The following MAGI2 variants were observed in gnomAD, a reference collection of about 807,000 sequenced individuals.
MAGI2 encodes the protein membrane associated guanylate kinase, WW and PDZ domain containing 2.
MAGI2 carries 35 observed loss-of-function variants against 133.3 expected under a neutral mutation model. The observed-to-expected ratio is 0.26, with a 90% confidence interval of 0.20 to 0.35. The LOEUF (loss-of-function observed/expected upper bound fraction) is 0.35, where lower values mean the gene tolerates loss of function less well. Among genes scored for constraint, MAGI2 ranks in the 10% least tolerant of loss-of-function variants. MAGI2 has a pLI of 1.00. For missense variants in MAGI2, 1,636 were observed against 1,863.4 expected, an observed-to-expected ratio of 0.88 and a Z score of 2.25; for synonymous variants, 729 against 710.6, an observed-to-expected ratio of 1.03 and a Z score of -0.41.
intron 2 of MAGI2, among the ~76,000 whole-genome samples, chr7:78,929,138 A>AGATAATT (rs1423038727): frequency 2.0e-5 from 3 of 152,128 alleles, no homozygotes; most frequent in Non-Finnish European, 2.9e-5. Flanking sequence ...TAATGATGAT[A>AGATAATT]GATAATTGAC....
chr7:78,093,070 A>C (rs1817364037), intron 20 of MAGI2, among the ~76,000 whole-genome samples: 1 of 136,036 alleles, frequency 7.4e-6, no homozygotes, highest in South Asian at 2.5e-4. Context: ...TGGGAGGCAG[A>C]GCTTGCAGTG....
At chr7:78,099,146 A>C (rs1317339178) in intron 20 of MAGI2, among the ~76,000 whole-genome samples, 1 of 152,180 alleles carries the variant, frequency 6.6e-6, no homozygotes, top group Admixed American at 6.5e-5. Flanking sequence ...ATTAAGTATC[A>C]GTTCCTAACT....
Position 78,072,046 on chromosome 7 carries a change from C to T in MAGI2, c.3706+6901G>A, listed in dbSNP as rs111543223. Among the ~76,000 whole-genome samples the T allele has an allele frequency of 1.6e-4, 25 of 152,252 alleles. 1 individual carries two copies. The highest frequency in any genetic ancestry group is 1.0e-3 in the South Asian group (5 of 4,818). The stretch of plus-strand genomic sequence containing the variant: ...GGCAGACCCAGGGTGTGAGGTAACA[C>T]GTCCGGGCTCCCAGAAGTGGCTGAT... On this transcript the variant is annotated intron_variant, in intron 21 of 21. Transcript: ENST00000354212.
intron 2 of MAGI2, among the ~76,000 whole-genome samples, chr7:78,673,017 C>G: frequency 6.6e-6 from 1 of 152,112 alleles, no homozygotes; most frequent in Non-Finnish European, 1.5e-5. Context: ...CACTAAACAT[C>G]TATTGTCAAT....
At chr7:78,220,021 A>C (rs1788652142) in intron 10 of MAGI2, among the ~76,000 whole-genome samples, 1 of 152,166 alleles carries the variant, frequency 6.6e-6, no homozygotes, top group African/African-American at 2.4e-5. Flanking sequence ...TATTTGCTGC[A>C]GAATGGAGTC....
At chr7:78,508,432 C>T (rs2074156835) in intron 4 of MAGI2, among the ~76,000 whole-genome samples, 1 of 152,144 alleles carries the variant, frequency 6.6e-6, no homozygotes, top group African/African-American at 2.4e-5. Context: ...ATTAACTTTG[C>T]TGCATTTTAG....
chr7:78,577,997 A>C (rs2150798411), intron 3 of MAGI2, among the ~76,000 whole-genome samples: 1 of 151,704 alleles, frequency 6.6e-6, no homozygotes, highest in South Asian at 2.1e-4. Flanking sequence ...TTTGGGGTTC[A>C]TTAATATGAA....
intron 1 of MAGI2, among the ~76,000 whole-genome samples, chr7:79,209,315 A>G (rs1362999360): frequency 1.3e-5 from 2 of 151,970 alleles, no homozygotes; most frequent in East Asian, 3.9e-4. Context: ...GCAAAAACAT[A>G]AATATACTAA....
intron 9 of MAGI2, among the ~76,000 whole-genome samples, chr7:78,258,598 G>A (rs1387142351): frequency 2.0e-5 from 3 of 151,832 alleles, no homozygotes; most frequent in Non-Finnish European, 2.9e-5. Context: ...ATATCTAGGT[G>A]TCCGTAAAAA....
chr7:78,630,460 G>T (rs936142331), intron 2 of MAGI2, among the ~76,000 whole-genome samples: 1 of 133,022 alleles, frequency 7.5e-6, no homozygotes, highest in African/African-American at 2.8e-5. Context: ...CTGTTGCCCA[G>T]GCTGAGAATG....
chr7:78,302,464 G>C (rs2151076022), intron 9 of MAGI2, among the ~76,000 whole-genome samples: 1 of 152,228 alleles, frequency 6.6e-6, no homozygotes, highest in East Asian at 1.9e-4. Flanking sequence ...TATAGAACAG[G>C]TCCCATCTGA....
At chr7:78,406,363 G>A (rs1797374945) in intron 6 of MAGI2, among the ~76,000 whole-genome samples, 1 of 151,922 alleles carries the variant, frequency 6.6e-6, no homozygotes, top group Non-Finnish European at 1.5e-5. Flanking sequence ...TGTAAGTTTG[G>A]TTGTGTTTGT....
intron 20 of MAGI2, among the ~76,000 whole-genome samples, chr7:78,117,770 G>C (rs1334748759): frequency 2.0e-5 from 3 of 152,128 alleles, no homozygotes; most frequent in Non-Finnish European, 2.9e-5. Context: ...CCAGAGGTAG[G>C]TACAGATAAA....
rs138667049 is a variant in MAGI2, at chr7:78,836,514, G to A, written c.418+170576C>T. The stretch of plus-strand genomic sequence containing the variant: ...GCTTATTGATAGAGAGTACTGAGTA[G>A]CGAAGTTCAGATTCATAAAAATTAA... On this transcript the variant is annotated intron_variant, in intron 2 of 21. Transcript: ENST00000354212. Among the ~76,000 whole-genome samples the A allele has an allele frequency of 5.2e-4, 79 of 152,170 alleles. No homozygotes were observed. The East Asian group carries it at 0.014, about 28-fold the overall frequency.
intron 1 of MAGI2, among the ~76,000 whole-genome samples, chr7:79,357,401 A>T (rs1187956795): frequency 6.6e-6 from 1 of 151,814 alleles, no homozygotes; most frequent in Admixed American, 6.6e-5. Context: ...AATTATGCTG[A>T]CCCTCAGAAA....
At chr7:79,123,761 G>A (rs1258045257) in intron 1 of MAGI2, among the ~76,000 whole-genome samples, 4 of 144,572 alleles carry the variant, frequency 2.8e-5, no homozygotes, top group Admixed American at 1.4e-4. Context: ...ATTCCAGCCT[G>A]GGCGACAGAG....
rs1290127462 is a variant in MAGI2 at position 78,209,449 on chromosome 7, AT to A, written c.2048-8257del. On this transcript the variant is annotated intron_variant, in intron 10 of 21. Coordinates refer to ENST00000354212, the MANE Select transcript of MAGI2 (RefSeq NM_012301.4). ...ACTAAAATTTGTATTTTTAGTAGAG[AT>A]GGGGGTTTCACCATGTTGGCCAGGA... Among the ~76,000 whole-genome samples the A allele has an allele frequency of 4.2e-4, 64 of 151,220 alleles. 1 individual carries two copies. The highest frequency in any genetic ancestry group is 1.3e-3 in the African/African-American group (55 of 41,310).
intron 4 of MAGI2, 98 bp downstream of exon 4, chr7:78,521,332 T>C: frequency 1.3e-6 from 1 of 743,588 alleles, no homozygotes; most frequent in Non-Finnish European, 2.3e-6. Context: ...TATCTTACTA[T>C]GTATCTGTAT....
At chr7:78,813,524 G>T (rs1406951519) in intron 2 of MAGI2, among the ~76,000 whole-genome samples, 1 of 152,154 alleles carries the variant, frequency 6.6e-6, no homozygotes, top group African/African-American at 2.4e-5. Flanking sequence ...GATGGCTCAC[G>T]CCTGTAATCC....
Sources: gnomAD v4.1 joint callset for allele counts (sites outside exome capture counted in the v4.1 genomes callset) on GRCh38, gnomAD v4.1.1 for gene constraint, MANE v1.5 for transcripts, NCBI Gene and HGNC (gene_info 2026-07-23, HGNC 2026-07-21) for gene names.